The following CHN1 variants were observed in gnomAD, a reference collection of about 807,000 sequenced individuals.
The protein encoded by CHN1 is N-chimaerin.
Under a neutral mutation model 59.5 loss-of-function variants are expected in CHN1, and 37 were observed. The observed-to-expected ratio is 0.62, with a 90% CI of 0.48 to 0.82. The LOEUF is 0.82. CHN1 is among the 40% of genes least tolerant of loss of function. The pLI, the probability that CHN1 is intolerant of heterozygous loss-of-function variation, is 0.00. For synonymous variants in CHN1, 206 were observed against 200.4 expected (o/e 1.03, Z -0.24); for missense variants, 469 against 571.0 (o/e 0.82, Z 1.82).
At chr2:174,817,783 G>A (rs1685328946) in intron 8 of CHN1, among the ~76,000 whole-genome samples, 1 of 151,898 alleles carries the variant, frequency 6.6e-6, no homozygotes, top group African/African-American at 2.4e-5. Context: ...GACTACAGGC[G>A]CCCGCCACCA....
rs958427207 is a variant in CHN1 at position 174,817,638 on chromosome 2, C to CTT, written c.713-5158_713-5157dup. Among the ~76,000 whole-genome samples the CTT allele has an allele frequency of 6.6e-4, 85 of 129,420 alleles. No homozygotes were observed. In the South Asian group the frequency reaches 0.011, roughly 17 times the overall value. 84.9% of individuals were successfully genotyped at this position (129,420 alleles called of 152,430 possible). A position where few individuals can be genotyped will look rare whatever the true frequency, so the allele number is the denominator to read the frequency against. ...CGCTACGCCCAGCTGATTTTTTTTTCTTTTTTTTTTTTTTTTTGAGACGGA... is the reference window on the plus strand; with the variant it reads ...CGCTACGCCCAGCTGATTTTTTTTTCTTTTTTTTTTTTTTTTTTTGAGACGGA... On this transcript the variant is annotated intron_variant, in intron 8 of 12. Coordinates refer to ENST00000409900, the MANE Select transcript of CHN1 (RefSeq NM_001822.7).
chr2:174,914,899 G>T (rs1205948099), intron 5 of CHN1, among the ~76,000 whole-genome samples, 159 bp downstream of exon 5: 1 of 149,912 alleles, frequency 6.7e-6, no homozygotes, highest in African/African-American at 2.5e-5. Context: ...TACCATTCAC[G>T]AGGAATTTTT....
chr2:174,879,615 AAT>A (rs1330247660), intron 5 of CHN1, among the ~76,000 whole-genome samples: 1 of 152,244 alleles, frequency 6.6e-6, no homozygotes, highest in Non-Finnish European at 1.5e-5. Context: ...TTTTCAGTTT[AAT>A]ATACTGCTTT....
chr2:174,954,518 T>C (rs1331809829), intron 1 of CHN1, among the ~76,000 whole-genome samples: 1 of 152,056 alleles, frequency 6.6e-6, no homozygotes, highest in Non-Finnish European at 1.5e-5. Flanking sequence ...ACCCACAGAA[T>C]AGGAGAAATC....
intron 1 of CHN1, among the ~76,000 whole-genome samples, chr2:174,988,930 G>T (rs1156598300): frequency 1.3e-5 from 2 of 152,084 alleles, no homozygotes; most frequent in African/African-American, 4.8e-5. Context: ...AAAAAGTACT[G>T]TTCAATGGTA....
At chr2:174,826,739 C>T (rs760476529) in intron 7 of CHN1, among the ~76,000 whole-genome samples, 11 of 152,154 alleles carry the variant, frequency 7.2e-5, no homozygotes, top group Non-Finnish European at 1.5e-4. Flanking sequence ...TGTGGCATTT[C>T]AAAAAGCCTG....
In CHN1 at chr2:174,995,936, A is replaced by C. The variant is rs1691692380; in HGVS notation, c.19+8958T>G. 3.3e-5 allele frequency among the ~76,000 whole-genome samples: 5 copies of C among 152,328 alleles called. No individual in the cohort carries two copies. The South Asian group carries it at 1.0e-3, about 32-fold the overall frequency. ...AAAGTACAAGAGTAGCAATGCTGGC[A>C]TACTATTATAATTGTTCTATTTTAT... is the stretch of plus-strand genomic sequence containing the variant. On this transcript the variant is annotated intron_variant, in intron 1 of 12. Transcript: ENST00000409900.
intron 5 of CHN1, among the ~76,000 whole-genome samples, chr2:174,890,203 A>G (rs1004437184): frequency 2.0e-4 from 30 of 152,332 alleles, no homozygotes; most frequent in Admixed American, 5.9e-4. Context: ...GTAAAAACAC[A>G]CAAGCCAAGA....
chr2:174,921,719 T>A (rs1403199572), intron 3 of CHN1, among the ~76,000 whole-genome samples: 4 of 152,104 alleles, frequency 2.6e-5, no homozygotes, highest in African/African-American at 9.7e-5. Context: ...CTTCTTCACA[T>A]GGCAGTAGCA....
chr2:174,901,323 G>C (rs1385715310), intron 5 of CHN1, among the ~76,000 whole-genome samples: 1 of 152,176 alleles, frequency 6.6e-6, no homozygotes, highest in Non-Finnish European at 1.5e-5. Context: ...CGGGCTTCTA[G>C]GTTCTTTCTC....
chr2:174,996,497 T>C (rs1310291286), intron 1 of CHN1, among the ~76,000 whole-genome samples: 3 of 152,212 alleles, frequency 2.0e-5, no homozygotes, highest in African/African-American at 7.2e-5. Context: ...ATCTCATTTA[T>C]TCCTGCACAG....
intron 6 of CHN1, among the ~76,000 whole-genome samples, chr2:174,850,299 C>CA (rs1359485610): frequency 1.3e-5 from 2 of 151,544 alleles, no homozygotes; most frequent in Non-Finnish European, 2.9e-5. Flanking sequence ...GCAGCTTACA[C>CA]AAAAAAAGGT....
intron 1 of CHN1, among the ~76,000 whole-genome samples, chr2:175,000,879 T>A (rs1691869295): frequency 6.6e-6 from 1 of 152,196 alleles, no homozygotes; most frequent in African/African-American, 2.4e-5. Flanking sequence ...CCATTACAGA[T>A]GTGAGCCACC....
intron 8 of CHN1, among the ~76,000 whole-genome samples, chr2:174,823,914 T>C (rs1225374091): frequency 6.6e-6 from 1 of 152,228 alleles, no homozygotes; most frequent in Non-Finnish European, 1.5e-5. Flanking sequence ...CAGAAAATAT[T>C]AGTGACTAAG....
intron 1 of CHN1, among the ~76,000 whole-genome samples, chr2:174,959,690 C>G (rs1690337375): frequency 3.9e-5 from 6 of 152,166 alleles, no homozygotes; most frequent in Admixed American, 3.9e-4. Context: ...GAAGGAATAA[C>G]TGAAACTGGT....
At chr2:174,956,068 T>TA (rs1366105900) in intron 1 of CHN1, among the ~76,000 whole-genome samples, 3 of 152,168 alleles carry the variant, frequency 2.0e-5, no homozygotes, top group Non-Finnish European at 4.4e-5. Context: ...GTGGAAAACT[T>TA]AAAGACATAG....
intron 1 of CHN1, among the ~76,000 whole-genome samples, chr2:174,955,275 T>C (rs905706419): frequency 6.6e-6 from 1 of 150,474 alleles, no homozygotes; most frequent in African/African-American, 2.4e-5. Flanking sequence ...ATACACACCA[T>C]GGAATACAAC....
intron 7 of CHN1, among the ~76,000 whole-genome samples, chr2:174,832,604 A>G (rs1253218496): frequency 3.3e-5 from 5 of 152,092 alleles, no homozygotes; most frequent in Non-Finnish European, 7.4e-5. Flanking sequence ...ATTTATAAGT[A>G]TGTGGGAAAT....
intron 6 of CHN1, among the ~76,000 whole-genome samples, chr2:174,863,323 G>C (rs990275980): frequency 6.6e-6 from 1 of 151,978 alleles, no homozygotes; most frequent in Non-Finnish European, 1.5e-5. Flanking sequence ...CTATTAATAA[G>C]GTTTCAGACT....
Sources: gnomAD v4.1 joint callset for allele counts (sites outside exome capture counted in the v4.1 genomes callset) on GRCh38, gnomAD v4.1.1 for gene constraint, MANE v1.5 for transcripts, NCBI Gene and HGNC (gene_info 2026-07-23, HGNC 2026-07-21) for gene names.